The following EMC3 variants were observed in gnomAD, a reference collection of about 807,000 sequenced individuals.
EMC3 encodes the protein ER membrane protein complex subunit 3.
In EMC3, 13 loss-of-function variants were observed where a neutral mutation model predicts 36.6. That is an observed-to-expected ratio of 0.35 (90% CI 0.23 to 0.56). The LOEUF (loss-of-function observed/expected upper bound fraction) is 0.56. EMC3 is among the 20% of genes least tolerant of loss of function. The probability of loss-of-function intolerance (pLI) is 0.84; values close to 1 mark genes in which losing one functional copy is unlikely to be tolerated. For missense variants in EMC3, 220 were observed against 324.5 expected (o/e 0.68, Z 2.47); for synonymous variants, 120 against 111.9 (o/e 1.07, Z -0.46).
chr3:9,988,258 T>C, upstream of EMC3: 1 of 626,374 alleles, frequency 1.6e-6, no homozygotes, highest in Non-Finnish European at 3.0e-6. Flanking sequence ...AGCCATCTTA[T>C]ACATGAGGTT....
intron 1 of EMC3, among the ~76,000 whole-genome samples, chr3:10,000,028 G>A (rs1267313689): frequency 6.6e-6 from 1 of 151,876 alleles, no homozygotes; most frequent in Non-Finnish European, 1.5e-5. Context: ...TGTTGTTGTT[G>A]TTGTTTTTAT....
intron 1 of EMC3, among the ~76,000 whole-genome samples, chr3:9,980,842 C>T (rs577659131): frequency 6.6e-6 from 1 of 152,136 alleles, no homozygotes; most frequent in Non-Finnish European, 1.5e-5. Flanking sequence ...GTGACCTTGT[C>T]TTACACTGTA....
At chr3:9,990,135 C>T (rs566984827), upstream of EMC3, among the ~76,000 whole-genome samples, 11 of 151,818 alleles carry the variant, frequency 7.2e-5, no homozygotes, top group South Asian at 1.7e-3. Flanking sequence ...TGCCATTCTT[C>T]TACCTCAGCC....
At chr3:10,009,869 CAAG>C (rs923462765) in intron 1 of EMC3, 3 of 152,260 alleles carry the variant, frequency 2.0e-5, no homozygotes, top group African/African-American at 7.2e-5. Context: ...CCTTTCGGTT[CAAG>C]AAGAGCGTGA....
At chr3:9,975,093 G>A (rs2085832423) in intron 3 of EMC3, among the ~76,000 whole-genome samples, 1 of 149,840 alleles carries the variant, frequency 6.7e-6, no homozygotes, top group Non-Finnish European at 1.5e-5. Flanking sequence ...ACTCGTGACT[G>A]ACCTCAAGTG....
chr3:9,973,511 G>T, intron 5 of EMC3, 117 bp downstream of exon 5: 1 of 922,512 alleles, frequency 1.1e-6, no homozygotes, highest in Non-Finnish European at 1.7e-6. Context: ...GTTTTCTTGA[G>T]ACAGGGTCTT....
intron 1 of EMC3, chr3:9,978,186 A>AAAAAAAT (rs2085870800): frequency 7.7e-6 from 1 of 129,502 alleles, no homozygotes; most frequent in Admixed American, 8.6e-5. Flanking sequence ...AAAAAAAAAA[A>AAAAAAAT]TTAGCCAGGC....
intron 1 of EMC3, among the ~76,000 whole-genome samples, chr3:9,981,941 T>TA (rs961240955): frequency 6.9e-6 from 1 of 145,908 alleles, no homozygotes; most frequent in African/African-American, 2.7e-5. Context: ...TAATACCTGT[T>TA]AAAAAAAATT....
chr3:10,000,546 T>C, intron 1 of EMC3: 1 of 268,314 alleles, frequency 3.7e-6, no homozygotes, highest in Non-Finnish European at 7.7e-6. Context: ...TCATTTATGA[T>C]CTGATTTCTG....
At chr3:9,989,813 A>G (rs560234606), upstream of EMC3, among the ~76,000 whole-genome samples, 13 of 152,120 alleles carry the variant, frequency 8.5e-5, no homozygotes, top group African/African-American at 2.9e-4. Context: ...TTTCTTCTCC[A>G]TGTGCTTCTG....
At chr3:9,981,254 A>C (rs1188259574) in intron 1 of EMC3, among the ~76,000 whole-genome samples, 1 of 152,148 alleles carries the variant, frequency 6.6e-6, no homozygotes, top group Non-Finnish European at 1.5e-5. Context: ...AACAAACGAA[A>C]AAACACTTGT....
intron 7 of EMC3, among the ~76,000 whole-genome samples, chr3:9,965,782 A>G (rs1298913376): frequency 1.3e-5 from 2 of 152,136 alleles, no homozygotes; most frequent in Non-Finnish European, 2.9e-5. Context: ...CATGTTTTCA[A>G]GGTTCTTCCC....
chr3:9,991,813 T>C (rs1050942204), upstream of EMC3, among the ~76,000 whole-genome samples: 1 of 152,226 alleles, frequency 6.6e-6, no homozygotes, highest in Non-Finnish European at 1.5e-5. Context: ...AAGACAGTTT[T>C]TCCACAGACC....
intron 7 of EMC3, among the ~76,000 whole-genome samples, chr3:9,966,643 C>T (rs943178819): frequency 6.6e-6 from 1 of 151,754 alleles, no homozygotes; most frequent in Admixed American, 6.6e-5. Context: ...TGGTGGATCT[C>T]GGCTCACTGC....
chr3:9,993,865 G>C (rs1282742467), intron 1 of EMC3, among the ~76,000 whole-genome samples: 1 of 152,218 alleles, frequency 6.6e-6, no homozygotes, highest in Non-Finnish European at 1.5e-5. Flanking sequence ...GGGGGGTCGT[G>C]TGATTGCATG....
chr3:9,988,322 T>C, upstream of EMC3: 1 of 791,712 alleles, frequency 1.3e-6, no homozygotes, highest in Middle Eastern at 2.4e-4. Flanking sequence ...TCTTGTAAGT[T>C]CTTTTCTGGT....
At chr3:9,970,459 A>C in intron 6 of EMC3, 123 bp downstream of exon 6, 1 of 1,120,140 alleles carries the variant, frequency 8.9e-7, no homozygotes, top group Non-Finnish European at 1.3e-6. Flanking sequence ...TCAGAAACTT[A>C]AGGAAGGAAA....
chr3:9,982,280 A>G (rs9312043), intron 1 of EMC3, among the ~76,000 whole-genome samples: 3,290 of 148,044 alleles, frequency 0.022, 133 homozygotes, highest in African/African-American at 0.078. Flanking sequence ...TTTGAGACAT[A>G]GTCTTGCTCT....
chr3:9,999,467 T>G (rs1459120555), intron 1 of EMC3, among the ~76,000 whole-genome samples: 4 of 152,100 alleles, frequency 2.6e-5, no homozygotes, highest in African/African-American at 9.7e-5. Context: ...TCTTGATCTC[T>G]TGACCTCGTG....
Sources: allele counts gnomAD v4.1 joint callset (sites outside exome capture counted in the v4.1 genomes callset), GRCh38; gene constraint gnomAD v4.1.1; transcripts MANE v1.5; gene names NCBI Gene and HGNC (gene_info 2026-07-23, HGNC 2026-07-21).